PCCA: variants seen among roughly 807,000 people sequenced by gnomAD.
PCCA encodes propionyl-CoA carboxylase alpha chain, mitochondrial.
In PCCA, 74 loss-of-function variants were observed where a neutral mutation model predicts 101.3. That is an observed-to-expected ratio of 0.73 (90% confidence interval 0.61 to 0.89). The LOEUF (loss-of-function observed/expected upper bound fraction) is 0.89. PCCA is among the 40% of genes least tolerant of loss of function. The pLI is 0.00. For synonymous variants in PCCA, 294 were observed against 313.6 expected (o/e 0.94, Z 0.66); for missense variants, 891 against 907.0 (o/e 0.98, Z 0.23).
chr13:100,431,158 C>T (rs1262003874), intron 20 of PCCA, among the ~76,000 whole-genome samples: 5 of 152,070 alleles, frequency 3.3e-5, no homozygotes, highest in Admixed American at 2.6e-4. Flanking sequence ...TAGATGGCAT[C>T]TCATTATGGT....
chr13:100,238,717 C>T (rs922919718), intron 8 of PCCA, among the ~76,000 whole-genome samples: 6 of 152,142 alleles, frequency 3.9e-5, no homozygotes, highest in African/African-American at 1.4e-4. Context: ...GTGCTACTTT[C>T]TAAAGTAAAT....
chr13:100,153,454 A>G (rs886398270), intron 4 of PCCA, among the ~76,000 whole-genome samples: 2 of 152,234 alleles, frequency 1.3e-5, no homozygotes, highest in African/African-American at 4.8e-5. Context: ...TCTGAGGACA[A>G]TAAAACAAGT....
chr13:100,208,010 C>T (rs2058972197), intron 6 of PCCA, among the ~76,000 whole-genome samples: 1 of 151,970 alleles, frequency 6.6e-6, no homozygotes, highest in Non-Finnish European at 1.5e-5. Flanking sequence ...GAGTGAGACT[C>T]TGTCTCAAAA....
intron 18 of PCCA, among the ~76,000 whole-genome samples, chr13:100,346,760 G>A (rs184070469): frequency 2.0e-5 from 3 of 152,220 alleles, no homozygotes; most frequent in Admixed American, 1.3e-4. Context: ...AGAAACTGCC[G>A]CAGCCTCCCC....
chr13:100,198,859 C>G (rs1352461223), intron 6 of PCCA, among the ~76,000 whole-genome samples: 1 of 151,000 alleles, frequency 6.6e-6, no homozygotes, highest in East Asian at 1.9e-4. Flanking sequence ...TCACTTTGTA[C>G]AAAATGAGAA....
At chr13:100,320,643 G>A (rs1030680202) in intron 16 of PCCA, among the ~76,000 whole-genome samples, 2 of 152,270 alleles carry the variant, frequency 1.3e-5, no homozygotes, top group South Asian at 4.1e-4. Flanking sequence ...ATTTGCATAT[G>A]TTGAACCAGC....
chr13:100,109,217 C>T (rs1471869533), intron 2 of PCCA, among the ~76,000 whole-genome samples: 4 of 152,152 alleles, frequency 2.6e-5, no homozygotes, highest in Non-Finnish European at 5.9e-5. Context: ...TTCTCACAAC[C>T]TCTTGTGGCA....
intron 9 of PCCA, among the ~76,000 whole-genome samples, chr13:100,260,166 C>A (rs548215909): frequency 6.6e-6 from 1 of 152,224 alleles, no homozygotes; most frequent in South Asian, 2.1e-4. Context: ...CATTTTGCTT[C>A]CAGTTTCTTT....
chr13:100,420,823 C>T (rs1049451043), intron 19 of PCCA, among the ~76,000 whole-genome samples: 4 of 151,996 alleles, frequency 2.6e-5, no homozygotes, highest in African/African-American at 4.8e-5. Flanking sequence ...AAAACAGCTA[C>T]GATTTATTGT....
chr13:100,354,618 A>G (rs1299554354), intron 18 of PCCA, among the ~76,000 whole-genome samples: 1 of 152,188 alleles, frequency 6.6e-6, no homozygotes, highest in Non-Finnish European at 1.5e-5. Flanking sequence ...TAGGCTGACC[A>G]AAAGAAAAAA....
intron 9 of PCCA, among the ~76,000 whole-genome samples, chr13:100,261,471 T>C (rs1362820338): frequency 1.3e-5 from 2 of 151,980 alleles, no homozygotes; most frequent in Non-Finnish European, 2.9e-5. Context: ...GTTCAAGCGG[T>C]TCTCCTGCTT....
intron 18 of PCCA, among the ~76,000 whole-genome samples, chr13:100,366,199 C>G (rs1414254483): frequency 6.6e-6 from 1 of 152,092 alleles, no homozygotes; most frequent in African/African-American, 2.4e-5. Context: ...TCACAATACC[C>G]CTGTGAAATT....
At chr13:100,325,596 GT>G (rs1364006338) in intron 16 of PCCA, among the ~76,000 whole-genome samples, 2 of 152,192 alleles carry the variant, frequency 1.3e-5, no homozygotes, top group Non-Finnish European at 1.5e-5. Flanking sequence ...AGCATGAGGA[GT>G]TAAGACAGGG....
chr13:100,527,188 A>G (rs899601496), intron 22 of PCCA: 2 of 432,020 alleles, frequency 4.6e-6, no homozygotes, highest in Non-Finnish European at 9.5e-6. Flanking sequence ...GTTTCAGTCA[A>G]TTCAGAGTTG....
At chr13:100,322,140 G>T (rs891377078) in intron 16 of PCCA, among the ~76,000 whole-genome samples, 2 of 152,136 alleles carry the variant, frequency 1.3e-5, no homozygotes, top group Non-Finnish European at 2.9e-5. Context: ...GCCTCATGAG[G>T]TCATTCAAAG....
chr13:100,162,674 G>C (rs987304191), intron 6 of PCCA, among the ~76,000 whole-genome samples: 8 of 152,080 alleles, frequency 5.3e-5, no homozygotes, highest in African/African-American at 1.4e-4. Flanking sequence ...ATCCTCACTT[G>C]GATTTGCTAA....
At chr13:100,263,397 T>TA (rs948050056) in intron 10 of PCCA, among the ~76,000 whole-genome samples, 2 of 152,204 alleles carry the variant, frequency 1.3e-5, no homozygotes, top group Admixed American at 6.5e-5. Flanking sequence ...CTAAAATTGA[T>TA]AAAAACAAAT....
At chr13:100,503,579 A>T (rs1278237353) in intron 21 of PCCA, among the ~76,000 whole-genome samples, 1 of 151,834 alleles carries the variant, frequency 6.6e-6, no homozygotes, top group Non-Finnish European at 1.5e-5. Context: ...AGGATGTTGA[A>T]TGGCCAAAGA....
At chr13:100,461,167 C>G (rs943734442) in intron 21 of PCCA, among the ~76,000 whole-genome samples, 5 of 152,150 alleles carry the variant, frequency 3.3e-5, no homozygotes, top group Non-Finnish European at 7.3e-5. Flanking sequence ...AAGACCTCCC[C>G]GTGGGGTTGT....
Sources: allele counts gnomAD v4.1 joint callset (sites outside exome capture counted in the v4.1 genomes callset), GRCh38; gene constraint gnomAD v4.1.1; transcripts MANE v1.5; gene names NCBI Gene and HGNC (gene_info 2026-07-23, HGNC 2026-07-21).